Variants in STK4 observed in about 807,000 individuals in gnomAD.
The protein encoded by STK4 is serine/threonine-protein kinase 4.
A neutral mutation model predicts 64.9 loss-of-function variants in STK4; 30 were observed. The ratio of observed to expected loss-of-function variants is 0.46; its 90% CI spans 0.35 to 0.63. STK4 has a LOEUF of 0.63. Among genes scored for constraint, STK4 ranks in the 20% least tolerant of loss-of-function variants. STK4 has a pLI of 0.01. For synonymous variants in STK4, 177 were observed against 199.0 expected, an observed-to-expected ratio of 0.89 and a Z score of 0.93; for missense variants, 466 against 598.5, an observed-to-expected ratio of 0.78 and a Z score of 2.31.
At position 44,984,186 on chromosome 20, in the gene STK4, G is replaced by GTTTTTTTTTT. The variant is rs11397664; in HGVS notation, c.360+2257_360+2266dup. Reference sequence around the variant, plus strand: ...GTGCTGGTTTTTTGTTGTTGTCGTTGTTTTTTTTTTTTTTTTTTTTTTTGA... The same window carrying GTTTTTTTTTT: ...GTGCTGGTTTTTTGTTGTTGTCGTTGTTTTTTTTTTTTTTTTTTTTTTTTTTTTTTTTTGA... On this transcript the variant is annotated intron_variant, in intron 4 of 10. Coordinates refer to ENST00000372806, the MANE Select transcript of STK4 (RefSeq NM_006282.5). 5.1e-4 allele frequency among the ~76,000 whole-genome samples: 39 copies of GTTTTTTTTTT among 76,076 alleles called. 1 individual carries two copies. Among genetic ancestry groups the GTTTTTTTTTT allele is most frequent in the African/African-American group, 7.3e-4 (14 of 19,050 alleles). 49.9% of individuals were successfully genotyped at this position (76,076 alleles called of 152,430 possible).
At chr20:44,993,459 C>G (rs1003331587) in intron 5 of STK4, among the ~76,000 whole-genome samples, 2 of 152,176 alleles carry the variant, frequency 1.3e-5, no homozygotes, top group Non-Finnish European at 2.9e-5. Context: ...ACAATTTTGA[C>G]TATCACCATT....
At chr20:45,000,258 C>T (rs762200189) in intron 7 of STK4, 134 bp from the exon 8 acceptor site, 36 of 1,225,650 alleles carry the variant, frequency 2.9e-5, no homozygotes, top group South Asian at 1.2e-4. Flanking sequence ...AGCTGTTGTC[C>T]GAAGCACAAA....
intron 5 of STK4, among the ~76,000 whole-genome samples, chr20:44,989,003 CT>C (rs2067586938): frequency 1.3e-5 from 2 of 152,044 alleles, no homozygotes; most frequent in African/African-American, 4.8e-5. Context: ...TCCATTGTGG[CT>C]GTAACACATT....
At chr20:45,049,946 A>T (rs921037084) in intron 10 of STK4, among the ~76,000 whole-genome samples, 7 of 152,116 alleles carry the variant, frequency 4.6e-5, no homozygotes, top group Non-Finnish European at 1.0e-4. Context: ...CTGGGCCTAA[A>T]CGTCTGAATG....
intron 10 of STK4, among the ~76,000 whole-genome samples, chr20:45,072,246 G>C (rs6031969): frequency 0.5 from 76,676 of 152,016 alleles, 20,143 homozygotes; most frequent in African/African-American, 0.62. Context: ...AGTCAGCCCT[G>C]TCTTACAAAT....
chr20:45,075,040 A>T lies in STK4; in HGVS notation c.1328A>T (p.Asp443Val). The stretch of plus-strand genomic sequence containing the variant: ...TAGCTTAAGAGTTGGACAGTGGAGG[A>T]CCTTCAGAAGAGGCTCTTGGCCCTG... Reference protein sequence around the residue: ...YEFLKSWTVEDLQKRLLALDP... With the variant: ...YEFLKSWTVEVLQKRLLALDP... Residue 443 changes from aspartate to valine, a missense_variant, in exon 11 of 11, where the codon GAC (aspartate) becomes GTC (valine). This residue lies in a region of STK4 where 276 missense variants were observed against 308.9 expected (regional missense o/e 0.89). Coordinates refer to ENST00000372806, the MANE Select transcript of STK4 (RefSeq NM_006282.5). 1 of 1,614,174 alleles carries T rather than the reference A, an allele frequency of 6.2e-7. No homozygotes were observed. The highest frequency in any genetic ancestry group is 8.5e-7 in the Non-Finnish European group (1 of 1,180,032).
intron 9 of STK4, among the ~76,000 whole-genome samples, chr20:45,015,522 A>C (rs1023585124): frequency 2.0e-5 from 3 of 152,218 alleles, no homozygotes. Flanking sequence ...CTTGCCACTC[A>C]CAGTCAGCAT....
intron 10 of STK4, among the ~76,000 whole-genome samples, chr20:45,050,484 C>T (rs2068761104): frequency 6.6e-6 from 1 of 152,138 alleles, no homozygotes; most frequent in Admixed American, 6.5e-5. Context: ...AGAATTAATT[C>T]CTGCAGTAGA....
intron 10 of STK4, among the ~76,000 whole-genome samples, chr20:45,034,275 A>C (rs2068492267): frequency 6.6e-6 from 1 of 152,114 alleles, no homozygotes. Context: ...AAAAACCAAC[A>C]GCAAGATATT....
chr20:45,073,876 T>C (rs1196397802), intron 10 of STK4, among the ~76,000 whole-genome samples: 1 of 152,232 alleles, frequency 6.6e-6, no homozygotes, highest in Non-Finnish European at 1.5e-5. Flanking sequence ...CTGAGAACTT[T>C]ACAGCCGTGA....
intron 1 of STK4, chr20:44,967,421 A>G: frequency 6.0e-6 from 1 of 167,624 alleles, no homozygotes; most frequent in Non-Finnish European, 1.2e-5. Flanking sequence ...TCAGCACCAA[A>G]TCCTAGTGGT....
chr20:44,989,116 G>A (rs1207474706), intron 5 of STK4, among the ~76,000 whole-genome samples: 7 of 152,104 alleles, frequency 4.6e-5, no homozygotes, highest in Admixed American at 3.9e-4. Context: ...TATGTGAACC[G>A]TTGTTTTCAT....
At chr20:45,061,473 C>T (rs757482578) in intron 10 of STK4, among the ~76,000 whole-genome samples, 1 of 152,136 alleles carries the variant, frequency 6.6e-6, no homozygotes, top group Non-Finnish European at 1.5e-5. Flanking sequence ...TTGCTCTGTT[C>T]AGCATATCCA....
chr20:45,016,258 CTT>C (rs2068140798), intron 9 of STK4, among the ~76,000 whole-genome samples: 1 of 152,158 alleles, frequency 6.6e-6, no homozygotes. Flanking sequence ...GAGGGCCAGA[CTT>C]TAGATACACA....
intron 10 of STK4, among the ~76,000 whole-genome samples, chr20:45,027,568 T>C (rs1404048040): frequency 6.6e-6 from 1 of 152,204 alleles, no homozygotes; most frequent in African/African-American, 2.4e-5. Flanking sequence ...TGTGTAGTGA[T>C]CAAATCAGAG....
chr20:45,070,457 G>A (rs1186376118), intron 10 of STK4, among the ~76,000 whole-genome samples: 1 of 152,166 alleles, frequency 6.6e-6, no homozygotes, highest in African/African-American at 2.4e-5. Context: ...GAGGGAAAAG[G>A]AAGGATCAGG....
chr20:44,992,544 T>C (rs1046342536), intron 5 of STK4, among the ~76,000 whole-genome samples: 6 of 151,320 alleles, frequency 4.0e-5, no homozygotes, highest in Admixed American at 3.3e-4. Flanking sequence ...ACCTGCTCTG[T>C]TGCTCAGGCT....
In STK4 at chr20:44,997,159, T is replaced by G. The variant is rs1214250573; in HGVS notation, c.694-10T>G. The G allele has an allele frequency of 6.2e-7, 1 of 1,613,516 alleles. No individual in the cohort carries two copies. Among genetic ancestry groups the G allele is most frequent in the Admixed American group, 1.7e-5 (1 of 60,010 alleles). On this transcript the variant is annotated splice_polypyrimidine_tract_variant and intron_variant, in intron 6 of 10. Transcript: ENST00000372806. ...CCAGATCTTTTTGTTTGTTTGTTTG[T>G]TCTAACCAGGCAATCTTCATGATTC...
chr20:44,996,689 TG>T (rs571861930), intron 6 of STK4, among the ~76,000 whole-genome samples: 133 of 152,264 alleles, frequency 8.7e-4, no homozygotes, highest in African/African-American at 2.9e-3. Flanking sequence ...ACACATGCGT[TG>T]ATTTAGCTTA....
Sources: allele counts gnomAD v4.1 joint callset (sites outside exome capture counted in the v4.1 genomes callset), GRCh38; gene constraint gnomAD v4.1.1; regional missense constraint gnomAD v4.1.1; transcripts MANE v1.5; gene names NCBI Gene and HGNC (gene_info 2026-07-23, HGNC 2026-07-21).